TENM2: variants seen among roughly 807,000 people sequenced by gnomAD.
TENM2 encodes teneurin-2.
A neutral mutation model predicts 245.2 loss-of-function variants in TENM2; 52 were observed. That is an observed-to-expected ratio of 0.21 (90% CI 0.17 to 0.27). TENM2 has a LOEUF of 0.27. Ranked by LOEUF, TENM2 falls within the 10% of genes least tolerant of loss-of-function variation. The probability of loss-of-function intolerance (pLI) is 1.00; values close to 1 mark genes in which losing one functional copy is unlikely to be tolerated. For synonymous variants in TENM2, 1,363 were observed against 1,438.9 expected (o/e 0.95, Z 1.19); for missense variants, 3,046 against 3,666.8 (o/e 0.83, Z 4.37).
At chr5:167,013,327 G>C in the TENM2 span, among the ~76,000 whole-genome samples, 1 of 152,034 alleles carries the variant, frequency 6.6e-6, no homozygotes, top group Non-Finnish European at 1.5e-5. Context: ...GAATCCTGTA[G>C]CACCCCATGT....
In TENM2 at chr5:168,260,901, C is replaced by T. The variant is rs961392898; in HGVS notation, c.7563+488C>T. Among the ~76,000 whole-genome samples the T allele has an allele frequency of 7.2e-5, 11 of 152,230 alleles. No individual in the cohort carries two copies. The East Asian group carries it at 1.9e-3, about 27-fold the overall frequency. Reference sequence around the variant, plus strand: ...TTGTGCTTGGGTCTTTCTGCGATGACCGAGGGGTGGTCAGTTTCCATCTGG... The same window carrying T: ...TTGTGCTTGGGTCTTTCTGCGATGATCGAGGGGTGGTCAGTTTCCATCTGG... On this transcript the variant is annotated intron_variant, in intron 28 of 28. Coordinates refer to ENST00000518659, the Ensembl canonical transcript of TENM2.
At chr5:166,985,004 A>G in the TENM2 span, among the ~76,000 whole-genome samples, 1 of 152,174 alleles carries the variant, frequency 6.6e-6, no homozygotes, top group Non-Finnish European at 1.5e-5. Context: ...TGATGCTAAA[A>G]GTAATTTGAT....
intron 2 of TENM2, among the ~76,000 whole-genome samples, chr5:167,505,394 G>T (rs73365564): frequency 0.028 from 4,189 of 152,186 alleles, 116 homozygotes; most frequent in East Asian, 0.08. Flanking sequence ...AATGTGTGAA[G>T]GTATTAGCTG....
chr5:167,995,261 G>A (rs556445216), intron 5 of TENM2, among the ~76,000 whole-genome samples: 53 of 152,286 alleles, frequency 3.5e-4, no homozygotes, highest in Admixed American at 2.7e-3. Context: ...ATGGGAAACC[G>A]TATAGTGAGA....
intron 5 of TENM2, among the ~76,000 whole-genome samples, chr5:168,044,994 G>A (rs1203264110): frequency 2.0e-5 from 3 of 150,958 alleles, no homozygotes; most frequent in African/African-American, 7.3e-5. Flanking sequence ...AGAGAAGGTG[G>A]TTATACCCCA....
At chr5:167,394,858 A>G (rs1470961106) in intron 2 of TENM2, among the ~76,000 whole-genome samples, 1 of 152,092 alleles carries the variant, frequency 6.6e-6, no homozygotes, top group Non-Finnish European at 1.5e-5. Context: ...CAGCCTCCCA[A>G]AATCCTGGGA....
At chr5:168,176,350 G>A (rs552159766) in intron 13 of TENM2, among the ~76,000 whole-genome samples, 31 of 152,002 alleles carry the variant, frequency 2.0e-4, no homozygotes, top group Admixed American at 9.8e-4. Flanking sequence ...TCTCTTCCTC[G>A]TCCTCTCTCT....
chr5:168,144,898 T>A (rs1755905956), intron 12 of TENM2, among the ~76,000 whole-genome samples: 2 of 150,682 alleles, frequency 1.3e-5, no homozygotes, highest in Admixed American at 1.3e-4. Context: ...GGTATCTCAT[T>A]GTGGTTTTGA....
chr5:167,131,257 A>G, the TENM2 span, among the ~76,000 whole-genome samples: 1 of 152,190 alleles, frequency 6.6e-6, no homozygotes, highest in East Asian at 1.9e-4. Flanking sequence ...TGGATGACTT[A>G]TTTTCTTTAG....
At chr5:167,505,021 T>C (rs1582230206) in intron 2 of TENM2, among the ~76,000 whole-genome samples, 3 of 152,234 alleles carry the variant, frequency 2.0e-5, no homozygotes, top group Middle Eastern at 3.4e-3. Context: ...GATCTTATAA[T>C]GGGTTAAAGA....
At chr5:168,142,742 A>G (rs969863616) in intron 12 of TENM2, among the ~76,000 whole-genome samples, 3 of 152,238 alleles carry the variant, frequency 2.0e-5, no homozygotes, top group African/African-American at 7.2e-5. Flanking sequence ...ATACTTCCCA[A>G]GAAATGTGGT....
At chr5:168,151,818 G>A (rs1270191220) in intron 12 of TENM2, among the ~76,000 whole-genome samples, 2 of 152,212 alleles carry the variant, frequency 1.3e-5, no homozygotes, top group Admixed American at 1.3e-4. Flanking sequence ...TCTTGCCCTT[G>A]GGGGCCTTCA....
At chr5:167,435,975 CTTTTTTTTTTTTT>C (rs71591181) in intron 2 of TENM2, among the ~76,000 whole-genome samples, 4 of 83,138 alleles carry the variant, frequency 4.8e-5, no homozygotes, top group Non-Finnish European at 7.4e-5. Context: ...CTTTTTTTTT[CTTTTTTTTTTTTT>C]TTTTTTTGAG....
intron 2 of TENM2, among the ~76,000 whole-genome samples, chr5:167,549,598 C>A (rs933643368): frequency 1.5e-4 from 23 of 152,110 alleles, no homozygotes; most frequent in Admixed American, 1.5e-3. Context: ...TGTCCCTCTT[C>A]AGATGCTTTT....
At chr5:167,564,686 T>A (rs919382923) in intron 2 of TENM2, among the ~76,000 whole-genome samples, 5 of 152,204 alleles carry the variant, frequency 3.3e-5, no homozygotes, top group African/African-American at 1.2e-4. Flanking sequence ...TTGTACAGTT[T>A]CATCTAGCTG....
At chr5:167,037,525 C>G in the TENM2 span, among the ~76,000 whole-genome samples, 1 of 152,184 alleles carries the variant, frequency 6.6e-6, no homozygotes. Flanking sequence ...TGGCTATTTT[C>G]ACTTTGTTAC....
At chr5:166,994,178 A>G in the TENM2 span, among the ~76,000 whole-genome samples, 2 of 152,288 alleles carry the variant, frequency 1.3e-5, no homozygotes, top group East Asian at 3.9e-4. Context: ...TTCTGTAGCT[A>G]CGTGCAGTTG....
the TENM2 span, among the ~76,000 whole-genome samples, chr5:167,224,109 A>G: frequency 6.6e-6 from 1 of 152,070 alleles, no homozygotes; most frequent in African/African-American, 2.4e-5. Flanking sequence ...TTGGATGAGT[A>G]GTTCACAAAT....
intron 2 of TENM2, among the ~76,000 whole-genome samples, chr5:167,715,400 G>T (rs1465989448): frequency 6.6e-6 from 1 of 152,018 alleles, no homozygotes; most frequent in East Asian, 1.9e-4. Context: ...ATGGGCTACG[G>T]TAGAGGCCCA....
Sources: allele counts gnomAD v4.1 joint callset (sites outside exome capture counted in the v4.1 genomes callset), GRCh38; gene constraint gnomAD v4.1.1; transcripts MANE v1.5; gene names NCBI Gene and HGNC (gene_info 2026-07-23, HGNC 2026-07-21).